The following HSD17B13 variants were observed in gnomAD, a reference collection of about 807,000 sequenced individuals.
The protein encoded by HSD17B13 is hydroxysteroid 17-beta dehydrogenase 13.
HSD17B13 carries 26 observed loss-of-function variants against 31.1 expected under a neutral mutation model. The ratio of observed to expected loss-of-function variants is 0.84; its 90% CI spans 0.61 to 1.16. The LOEUF (loss-of-function observed/expected upper bound fraction) is 1.16. Ranked by LOEUF, HSD17B13 falls within the 50% of genes most tolerant of loss-of-function variation. The pLI, the probability that HSD17B13 is intolerant of heterozygous loss-of-function variation, is 0.00. For missense variants in HSD17B13, 374 were observed against 366.5 expected, an observed-to-expected ratio of 1.02 and a Z score of -0.17; for synonymous variants, 141 against 133.7, an observed-to-expected ratio of 1.05 and a Z score of -0.38.
rs1462747286 is a variant in HSD17B13, at chr4:87,305,762, G to A, written c.813-454C>T. ...GCCTAAACAAACACTATTTTGTCAG[G>A]CTTCTGCTGCAAGCCCAAGGCAGAA... is the stretch of plus-strand genomic sequence containing the variant. On this transcript the variant is annotated intron_variant, in intron 6 of 6. Transcript: ENST00000328546. 2.0e-5 allele frequency among the ~76,000 whole-genome samples: 3 copies of A among 152,032 alleles called. No individual in the cohort carries two copies. The East Asian group carries it at 5.8e-4, about 29-fold the overall frequency.
intron 1 of HSD17B13, among the ~76,000 whole-genome samples, chr4:87,320,267 A>C (rs1441661940): frequency 6.6e-6 from 1 of 152,120 alleles, no homozygotes; most frequent in Non-Finnish European, 1.5e-5. Flanking sequence ...TAGCTTGCTC[A>C]CTGCCAGATT....
In HSD17B13 at chr4:87,313,198, C is replaced by T. The variant is rs1394165848; in HGVS notation, c.695+625G>A. 2.6e-5 allele frequency among the ~76,000 whole-genome samples: 4 copies of T among 152,168 alleles called. No homozygotes were observed. In the South Asian group the frequency reaches 8.3e-4, roughly 32 times the overall value. On this transcript the variant is annotated intron_variant, in intron 5 of 6. Transcript: ENST00000328546. ...CATAGCTAACTCAGGCTGTAAGAGT[C>T]AGTATCCTCAAATGAGGCGGCACTC...
At chr4:87,316,660 T>C (rs911759052) in intron 3 of HSD17B13, among the ~76,000 whole-genome samples, 1 of 152,338 alleles carries the variant, frequency 6.6e-6, no homozygotes, top group Middle Eastern at 3.4e-3. Flanking sequence ...CTCGATCCTA[T>C]ATACATCCAA....
chr4:87,313,226 C>T (rs1392006014), intron 5 of HSD17B13, among the ~76,000 whole-genome samples: 1 of 152,052 alleles, frequency 6.6e-6, no homozygotes, highest in Non-Finnish European at 1.5e-5. Flanking sequence ...CGGCACTCAA[C>T]AGAGAATTGT....
At position 87,318,380 on chromosome 4, in the gene HSD17B13, C is replaced by G. The variant is rs1734705312; in HGVS notation, c.267G>C (p.Ala89=). 6.2e-7 allele frequency: 1 copy of G among 1,614,150 alleles called. No homozygotes were observed. Among genetic ancestry groups the G allele is most frequent in the Non-Finnish European group, 8.5e-7 (1 of 1,179,974 alleles). The change falls in exon 2 of 7, where the codon GCG becomes GCC. Residue 89 remains alanine, a synonymous_variant. Transcript: ENST00000328546. The part of the protein sequence containing the change: ...ECRKLGVTAH[A]YVVDCSNREE... ...CTCTGTTGCTGCAGTCTACCACATA[C>G]GCATGCGCAGTGACGCCTAGTTTTC...
At chr4:87,311,315 C>A (rs997055365) in intron 5 of HSD17B13, among the ~76,000 whole-genome samples, 9 of 152,194 alleles carry the variant, frequency 5.9e-5, no homozygotes, top group African/African-American at 1.9e-4. Context: ...TAGCTGTTCT[C>A]TACTCCTTTA....
chr4:87,309,774 C>G (rs964549826), intron 6 of HSD17B13, among the ~76,000 whole-genome samples: 1 of 152,260 alleles, frequency 6.6e-6, no homozygotes. Flanking sequence ...TTTTTATAGA[C>G]TGGGTAGGAA....
At chr4:87,316,419 CA>C (rs1734650290) in intron 3 of HSD17B13, among the ~76,000 whole-genome samples, 3 of 152,164 alleles carry the variant, frequency 2.0e-5, no homozygotes, top group Admixed American at 6.5e-5. Flanking sequence ...AAGGGGGACA[CA>C]TCTCTTTTTT....
intron 2 of HSD17B13, among the ~76,000 whole-genome samples, chr4:87,317,911 T>C (rs909013179): frequency 1.3e-5 from 2 of 152,182 alleles, no homozygotes; most frequent in Admixed American, 6.5e-5. Flanking sequence ...AAAATAATTG[T>C]GATAATAATT....
chr4:87,318,300 T>G, intron 2 of HSD17B13, 29 bp downstream of exon 2: 1 of 1,518,492 alleles, frequency 6.6e-7, no homozygotes. Flanking sequence ...CAAAATAATC[T>G]GAAGAAATTT....
chr4:87,316,420 A>T (rs1205202542), intron 3 of HSD17B13, among the ~76,000 whole-genome samples: 1 of 152,152 alleles, frequency 6.6e-6, no homozygotes, highest in East Asian at 1.9e-4. Flanking sequence ...AGGGGGACAC[A>T]TCTCTTTTTT....
At chr4:87,311,787 T>TG (rs1195641458) in intron 5 of HSD17B13, among the ~76,000 whole-genome samples, 4 of 152,212 alleles carry the variant, frequency 2.6e-5, no homozygotes, top group African/African-American at 9.7e-5. Flanking sequence ...TGCTGCAGAT[T>TG]ATTATGTGAT....
chr4:87,319,830 C>A (rs1010017165), intron 1 of HSD17B13, among the ~76,000 whole-genome samples: 5 of 152,254 alleles, frequency 3.3e-5, no homozygotes, highest in Non-Finnish European at 7.3e-5. Context: ...AATTCAAAGA[C>A]CTCTTTCCTA....
At chr4:87,320,389 T>TTG (rs1553956621) in intron 1 of HSD17B13, among the ~76,000 whole-genome samples, 1 of 142,798 alleles carries the variant, frequency 7.0e-6, no homozygotes, top group Non-Finnish European at 1.5e-5. Flanking sequence ...TCAGTTTTTT[T>TTG]TTTTTTTTTT....
intron 1 of HSD17B13, among the ~76,000 whole-genome samples, chr4:87,322,417 A>G (rs1734809532): frequency 6.6e-6 from 1 of 152,198 alleles, no homozygotes; most frequent in Non-Finnish European, 1.5e-5. Flanking sequence ...GAGTCTTTCT[A>G]TCAACCTGCA....
chr4:87,321,033 T>G (rs1210490818), intron 1 of HSD17B13, among the ~76,000 whole-genome samples: 1 of 152,162 alleles, frequency 6.6e-6, no homozygotes, highest in African/African-American at 2.4e-5. Context: ...TCTTAAGTCT[T>G]TTTTTATTTT....
At chr4:87,305,893 C>T (rs776176346) in intron 6 of HSD17B13, among the ~76,000 whole-genome samples, 1 of 152,090 alleles carries the variant, frequency 6.6e-6, no homozygotes, top group Non-Finnish European at 1.5e-5. Flanking sequence ...TTCTAGCCTG[C>T]AAAACAGTAA....
At chr4:87,319,401 C>A (rs1367443358) in intron 1 of HSD17B13, among the ~76,000 whole-genome samples, 1 of 152,194 alleles carries the variant, frequency 6.6e-6, no homozygotes, top group East Asian at 1.9e-4. Context: ...ACTTTCAAAC[C>A]TTGAAGAACA....
chr4:87,314,641 T>TCACA (rs1553956168), intron 4 of HSD17B13, among the ~76,000 whole-genome samples: 1,852 of 142,230 alleles, frequency 0.013, 33 homozygotes, highest in African/African-American at 0.041. Context: ...TCTCTCTCTC[T>TCACA]CACACACACA....
Sources: gnomAD v4.1 joint callset for allele counts (sites outside exome capture counted in the v4.1 genomes callset) on GRCh38, gnomAD v4.1.1 for gene constraint, MANE v1.5 for transcripts, NCBI Gene and HGNC (gene_info 2026-07-23, HGNC 2026-07-21) for gene names.